RPL34: variants seen among roughly 807,000 people sequenced by gnomAD.
RPL34 encodes the protein large ribosomal subunit protein eL34.
A neutral mutation model predicts 16.3 loss-of-function variants in RPL34; 2 were observed. The observed-to-expected ratio is 0.12, with a 90% CI of 0.05 to 0.39. The LOEUF is 0.39. Among genes scored for constraint, RPL34 ranks in the 10% least tolerant of loss-of-function variants. RPL34 has a pLI of 0.99. For missense variants in RPL34, 82 were observed against 148.8 expected (o/e 0.55, Z 2.33); for synonymous variants, 47 against 48.5 (o/e 0.97, Z 0.13).
chr4:108,627,987 A>G (rs1726070755), downstream of RPL34, among the ~76,000 whole-genome samples: 1 of 152,180 alleles, frequency 6.6e-6, no homozygotes, highest in African/African-American at 2.4e-5. Flanking sequence ...GAGAGAACAG[A>G]CACAGGTTAT....
At chr4:108,628,252 T>C (rs1726077397), downstream of RPL34, among the ~76,000 whole-genome samples, 1 of 152,296 alleles carries the variant, frequency 6.6e-6, no homozygotes, top group East Asian at 1.9e-4. Context: ...ATTGAAAATA[T>C]AAAACGGGGA....
chr4:108,622,692 T>C (rs1191382639), intron 4 of RPL34, 74 bp downstream of exon 4: 3 of 883,318 alleles, frequency 3.4e-6, no homozygotes, highest in Non-Finnish European at 5.3e-6. Flanking sequence ...ATCAGTACAA[T>C]GGTGAAGCAA....
At chr4:108,627,020 A>T (rs369644356), downstream of RPL34, among the ~76,000 whole-genome samples, 45 of 152,204 alleles carry the variant, frequency 3.0e-4, 1 homozygote, top group South Asian at 6.2e-3. Flanking sequence ...CGGGCGGATC[A>T]TGAGGTCAGG....
rs542760605 is a variant in RPL34, at chr4:108,621,793, AAATACAAGTAGTTTTAAAATGTGGAAT to A, written c.-9-151_-9-125del. On this transcript the variant is annotated intron_variant, in intron 1 of 4. Coordinates refer to ENST00000394667, the MANE Select transcript of RPL34 (RefSeq NM_001319236.2). ...GGCCTCTTGTTTATCAGTCACCTTT[AAATACAAGTAGTTTTAAAATGTGGAAT>A]AATACATCTTAATTTAAGGGTGTTA... 1.5e-4 allele frequency: 88 copies of A among 594,544 alleles called. No homozygotes were observed. In the East Asian group the frequency reaches 1.6e-3, roughly 11 times the overall value. 36.8% of individuals were successfully genotyped at this position (594,544 alleles called of 1,614,324 possible). A position where few individuals can be genotyped will look rare whatever the true frequency, so the allele number is the denominator to read the frequency against.
At chr4:108,627,735 C>CTATCAGGATTACAGGAT (rs1726063679), downstream of RPL34, among the ~76,000 whole-genome samples, 1 of 151,898 alleles carries the variant, frequency 6.6e-6, no homozygotes, top group Non-Finnish European at 1.5e-5. Flanking sequence ...TGGTGGCATG[C>CTATCAGGATTACAGGAT]ACCTGTAATC....
At chr4:108,629,639 G>A (rs1473382207), downstream of RPL34, among the ~76,000 whole-genome samples, 2 of 152,202 alleles carry the variant, frequency 1.3e-5, no homozygotes, top group Non-Finnish European at 2.9e-5. Flanking sequence ...AAAAAGACAT[G>A]TGAATGTAGT....
intron 4 of RPL34, among the ~76,000 whole-genome samples, chr4:108,624,640 G>T (rs1281897322): frequency 6.6e-6 from 1 of 152,208 alleles, no homozygotes; most frequent in Non-Finnish European, 1.5e-5. Context: ...CCAGTGTGCA[G>T]CTAGTGTGTG....
chr4:108,621,088 T>A (rs887686720), intron 1 of RPL34: 8 of 151,744 alleles, frequency 5.3e-5, no homozygotes, highest in Non-Finnish European at 8.8e-5. Flanking sequence ...GCAAACAGAA[T>A]AATGGCTTCA....
chr4:108,625,803 G>C (rs1725981456), downstream of RPL34, among the ~76,000 whole-genome samples: 1 of 152,170 alleles, frequency 6.6e-6, no homozygotes, highest in Non-Finnish European at 1.5e-5. Context: ...TGAGACTTCA[G>C]GGTGGTTTGG....
chr4:108,622,965 A>G (rs545918857), intron 4 of RPL34: 1 of 180,822 alleles, frequency 5.5e-6, no homozygotes. Context: ...AAGGTGTTAA[A>G]AGTGTAGGAA....
At chr4:108,627,448 C>T (rs573134887), downstream of RPL34, among the ~76,000 whole-genome samples, 4 of 152,246 alleles carry the variant, frequency 2.6e-5, no homozygotes, top group African/African-American at 9.6e-5. Flanking sequence ...TTTCATAACA[C>T]CTTTACTGTA....
At chr4:108,625,427 C>T (rs537047815), downstream of RPL34, 1 of 447,340 alleles carries the variant, frequency 2.2e-6, no homozygotes, top group Admixed American at 3.7e-5. Flanking sequence ...CTCTTGTTGC[C>T]TAGGCTGGAG....
chr4:108,625,218 TG>T lies in RPL34; in HGVS notation c.*7del. On this transcript the variant is annotated 3_prime_UTR_variant, in exon 5 of 5. Coordinates refer to ENST00000394667, the MANE Select transcript of RPL34 (RefSeq NM_001319236.2). Reference sequence around the variant, plus strand: ...AGAGTCAGAAAGCTAAATAAAAAAATGAAACTTTTTTGAGTAATAAAAATGA... The same window carrying T: ...AGAGTCAGAAAGCTAAATAAAAAAATAAACTTTTTTGAGTAATAAAAATGA... The T allele has an allele frequency of 6.3e-7, 1 of 1,583,062 alleles. No homozygotes were observed. Among genetic ancestry groups the T allele is most frequent in the Non-Finnish European group, 8.6e-7 (1 of 1,158,394 alleles).
chr4:108,629,701 TA>T (rs1487189900), downstream of RPL34, among the ~76,000 whole-genome samples: 1 of 152,392 alleles, frequency 6.6e-6, no homozygotes, highest in Non-Finnish European at 1.5e-5. Flanking sequence ...GAATTGCTTA[TA>T]AATTCTGTTA....
At chr4:108,622,346 G>C in intron 3 of RPL34, 142 bp downstream of exon 3, 1 of 811,514 alleles carries the variant, frequency 1.2e-6, no homozygotes, top group South Asian at 1.6e-5. Context: ...AATCTGCCAC[G>C]AACATAGACT....
At chr4:108,629,923 A>G (rs947248557), downstream of RPL34, 1 of 152,216 alleles carries the variant, frequency 6.6e-6, no homozygotes, top group Non-Finnish European at 1.5e-5. Context: ...ATCACATATA[A>G]TCCTCACAGA....
At chr4:108,626,691 G>A (rs2110367879), downstream of RPL34, among the ~76,000 whole-genome samples, 1 of 152,048 alleles carries the variant, frequency 6.6e-6, no homozygotes, top group Admixed American at 6.5e-5. Context: ...CGCCCACCTT[G>A]GCCTCCCAAA....
downstream of RPL34, among the ~76,000 whole-genome samples, chr4:108,627,489 A>C (rs1726053265): frequency 6.6e-6 from 1 of 152,214 alleles, no homozygotes; most frequent in Admixed American, 6.5e-5. Context: ...TTCTTGGTAT[A>C]AAAAATTTTT....
In RPL34 at chr4:108,622,399, A is replaced by G. The variant is rs1054684425; in HGVS notation, c.166-116A>G. The G allele has an allele frequency of 3.6e-6, 3 of 842,086 alleles. No homozygotes were observed. The South Asian group carries it at 4.6e-5, about 13-fold the overall frequency. The allele number at this position is 842,086 out of a possible 1,614,324, so 52.2% of individuals were successfully genotyped here. A position where few individuals can be genotyped will look rare whatever the true frequency, so the allele number is the denominator to read the frequency against. On this transcript the variant is annotated intron_variant, in intron 3 of 4. Transcript: ENST00000394667. ...AAATGCAGTGAAATGCCTTTCAGAT[A>G]AATGAGTACACCATTTCCCTTTGTA...
Sources: allele counts gnomAD v4.1 joint callset (sites outside exome capture counted in the v4.1 genomes callset), GRCh38; gene constraint gnomAD v4.1.1; transcripts MANE v1.5; gene names NCBI Gene and HGNC (gene_info 2026-07-23, HGNC 2026-07-21).